The following GPR21 variants were observed in gnomAD, a reference collection of about 807,000 sequenced individuals.
GPR21 encodes G protein-coupled receptor 21.
A neutral mutation model predicts 21.5 loss-of-function variants in GPR21; 9 were observed. The observed-to-expected ratio is 0.42, with a 90% CI of 0.25 to 0.73. The LOEUF is 0.73. Among genes scored for constraint, GPR21 ranks in the 30% least tolerant of loss-of-function variants. GPR21 has a pLI of 0.27. For synonymous variants in GPR21, 169 were observed against 159.3 expected (o/e 1.06, Z -0.46); for missense variants, 416 against 428.9 (o/e 0.97, Z 0.27).
chr9:123,048,933 T>C, the GPR21 span, among the ~76,000 whole-genome samples: 1 of 152,190 alleles, frequency 6.6e-6, no homozygotes, highest in African/African-American at 2.4e-5. Flanking sequence ...ATTGAATAAT[T>C]TTCCTGTGGG....
At chr9:123,039,218 A>T (rs888010968), downstream of GPR21, among the ~76,000 whole-genome samples, 12 of 152,128 alleles carry the variant, frequency 7.9e-5, no homozygotes, top group Non-Finnish European at 1.5e-4. Context: ...CCCAGACTTG[A>T]GAAGAGAAGC....
the GPR21 span, among the ~76,000 whole-genome samples, chr9:123,046,339 G>C: frequency 6.6e-6 from 1 of 152,144 alleles, no homozygotes; most frequent in Non-Finnish European, 1.5e-5. Context: ...AAATGAGTTG[G>C]TCTTATGCAG....
downstream of GPR21, among the ~76,000 whole-genome samples, chr9:123,038,523 A>G (rs1284315386): frequency 6.6e-6 from 1 of 151,882 alleles, no homozygotes; most frequent in East Asian, 1.9e-4. Context: ...TTGACTTGGT[A>G]TAGGAATTGT....
chr9:123,035,700 T>A (rs573765298), downstream of GPR21: 35 of 851,984 alleles, frequency 4.1e-5, no homozygotes, highest in South Asian at 5.9e-4. Context: ...TCTCTAAGTA[T>A]TCCTAATTCA....
chr9:123,034,603 C>T lies in GPR21; in HGVS notation c.37C>T (p.Pro13Ser). The T allele has an allele frequency of 6.2e-7, 1 of 1,612,410 alleles. No homozygotes were observed. The highest frequency in any genetic ancestry group is 8.5e-7 in the Non-Finnish European group (1 of 1,179,078). ...STLDGNQSSH[P>S]FCLLAFGYLE... ...CTTGGATGGTAATCAGAGCAGCCAC[C>T]CTTTTTGCCTCTTGGCATTTGGCTA... is the stretch of plus-strand genomic sequence containing the variant. The change falls in exon 2 of 2, where the codon CCT becomes TCT. Residue 13 changes from proline (P) to serine (S), a missense_variant. Coordinates refer to ENST00000616002, the MANE Select transcript of GPR21 (RefSeq NM_005294.3).
the GPR21 span, among the ~76,000 whole-genome samples, chr9:123,041,981 A>G: frequency 5.3e-5 from 8 of 152,204 alleles, no homozygotes; most frequent in African/African-American, 1.9e-4. Flanking sequence ...CAAGCAGGCA[A>G]CTGGTTTTCA....
At position 123,034,363 on chromosome 9, in the gene GPR21, C is replaced by G; in HGVS notation, c.-204C>G. On this transcript the variant is annotated 5_prime_UTR_variant, in exon 2 of 2. Coordinates refer to ENST00000616002, the MANE Select transcript of GPR21 (RefSeq NM_005294.3). ...GGACTGGCCAGACAACTGCTGCTGG[C>G]TCTCCTTATTCCAGGAAGGATTTAA... 1 of 572,178 alleles carries G rather than the reference C, an allele frequency of 1.7e-6. No homozygotes were observed. The highest frequency in any genetic ancestry group is 2.5e-5 in the South Asian group (1 of 40,548). The allele number at this position is 572,178 out of a possible 1,614,324, so 35.4% of individuals were successfully genotyped here.
rs1227041959 is a variant in GPR21 at position 123,034,938 on chromosome 9, C to T, written c.372C>T (p.Ser124=). Residue 124 remains serine, a synonymous_variant, in exon 2 of 2, where the codon AGC becomes AGT. Transcript: ENST00000616002. ...SVSMASLACI[S]IDRYIAITKP... is the part of the protein sequence containing the mutation. ...CCATGGCTTCTCTGGCCTGTATCAG[C>T]ATTGATAGATACATTGCCATTACTA... 4 of 1,611,374 alleles carry T rather than the reference C, an allele frequency of 2.5e-6. No homozygotes were observed. Among genetic ancestry groups the T allele is most frequent in the Admixed American group, 3.3e-5 (2 of 59,970 alleles).
chr9:123,034,636 A>T lies in GPR21; in HGVS notation c.70A>T (p.Thr24Ser), dbSNP rs535225883. The T allele has an allele frequency of 1.2e-6, 2 of 1,613,858 alleles. No individual in the cohort carries two copies. The highest frequency in any genetic ancestry group is 1.7e-6 in the Non-Finnish European group (2 of 1,179,808). ...FCLLAFGYLE[T>S]VNFCLLEVLI... ...CCTCTTGGCATTTGGCTATTTGGAAACTGTCAATTTTTGCCTTTTGGAAGT... is the reference window on the plus strand; with the variant it reads ...CCTCTTGGCATTTGGCTATTTGGAATCTGTCAATTTTTGCCTTTTGGAAGT... Residue 24 changes from threonine (T) to serine (S), a missense_variant, in exon 2 of 2, where the codon ACT becomes TCT. Thr to Ser is a moderately conservative substitution (Grantham distance 58). Transcript: ENST00000616002.
At chr9:123,036,672 G>A (rs903926572), downstream of GPR21, among the ~76,000 whole-genome samples, 1 of 152,040 alleles carries the variant, frequency 6.6e-6, no homozygotes, top group Admixed American at 6.6e-5. Context: ...TGGTTAAATG[G>A]AATCAACTAG....
chr9:123,045,403 A>T, the GPR21 span, among the ~76,000 whole-genome samples: 1 of 152,188 alleles, frequency 6.6e-6, no homozygotes, highest in Non-Finnish European at 1.5e-5. Context: ...CATTTATAAA[A>T]GTTCCCCTTC....
chr9:123,035,843 A>G (rs546091095), downstream of GPR21: 106 of 471,628 alleles, frequency 2.2e-4, no homozygotes, highest in African/African-American at 2.0e-3. Context: ...CATGAAGACA[A>G]ATTGCTCTTG....
At chr9:123,035,845 T>C (rs1238213139), downstream of GPR21, 1 of 469,778 alleles carries the variant, frequency 2.1e-6, no homozygotes, top group East Asian at 3.2e-5. Flanking sequence ...TGAAGACAAA[T>C]TGCTCTTGCT....
chr9:123,039,128 G>A (rs2032822019), downstream of GPR21, among the ~76,000 whole-genome samples: 1 of 152,126 alleles, frequency 6.6e-6, no homozygotes, highest in African/African-American at 2.4e-5. Context: ...ATGTAAGGAA[G>A]CCATACATCA....
chr9:123,042,752 G>A, the GPR21 span, among the ~76,000 whole-genome samples: 1 of 152,136 alleles, frequency 6.6e-6, no homozygotes, highest in African/African-American at 2.4e-5. Context: ...TAGAGGAAAA[G>A]AAAGGAAGAA....
In GPR21 at chr9:123,035,112, G is replaced by C; in HGVS notation, c.546G>C (p.Ala182=). The change falls in exon 2 of 2, where the codon GCG becomes GCC. Residue 182 remains alanine, a synonymous_variant. Coordinates refer to ENST00000616002, the MANE Select transcript of GPR21 (RefSeq NM_005294.3). ...ATGGAGATGTGTTTCAGTGGTGTGCGGAGTCCTGGCACACCGACTCCTACT... is the reference window on the plus strand; with the variant it reads ...ATGGAGATGTGTTTCAGTGGTGTGCCGAGTCCTGGCACACCGACTCCTACT... ...GYHGDVFQWC[A]ESWHTDSYFT... The C allele has an allele frequency of 1.2e-6, 2 of 1,613,776 alleles. No homozygotes were observed. The highest frequency in any genetic ancestry group is 1.7e-6 in the Non-Finnish European group (2 of 1,179,744).
At chr9:123,035,887 C>T (rs1473185634), downstream of GPR21, among the ~76,000 whole-genome samples, 3 of 152,148 alleles carry the variant, frequency 2.0e-5, no homozygotes. Flanking sequence ...GAAATGACTA[C>T]AGTTCTCAGA....
At chr9:123,040,447 T>G (rs1469069508), downstream of GPR21, among the ~76,000 whole-genome samples, 1 of 152,170 alleles carries the variant, frequency 6.6e-6, no homozygotes, top group Non-Finnish European at 1.5e-5. Flanking sequence ...GAGATCATAG[T>G]AAAAGGTGAA....
chr9:123,036,109 A>G (rs551310912), downstream of GPR21, among the ~76,000 whole-genome samples: 1 of 152,386 alleles, frequency 6.6e-6, no homozygotes, highest in South Asian at 2.1e-4. Context: ...TATGTATGCC[A>G]AAGCATAACT....
Sources: gnomAD v4.1 joint callset for allele counts (sites outside exome capture counted in the v4.1 genomes callset) on GRCh38, gnomAD v4.1.1 for gene constraint, MANE v1.5 for transcripts, NCBI Gene and HGNC (gene_info 2026-07-23, HGNC 2026-07-21) for gene names.